Variants in HNRNPUL1 observed in about 807,000 individuals in gnomAD.
The protein encoded by HNRNPUL1 is heterogeneous nuclear ribonucleoprotein U-like protein 1.
HNRNPUL1 carries 14 observed loss-of-function variants against 108.5 expected under a neutral mutation model. The ratio of observed to expected loss-of-function variants is 0.13; its 90% confidence interval spans 0.09 to 0.20. HNRNPUL1 has a LOEUF of 0.20. HNRNPUL1 is among the 10% of genes least tolerant of loss of function. HNRNPUL1 has a pLI of 1.00. For synonymous variants in HNRNPUL1, 422 were observed against 445.2 expected (o/e 0.95, Z 0.66); for missense variants, 804 against 1,168.3 (o/e 0.69, Z 4.55).
At position 41,300,814 on chromosome 19, in the gene HNRNPUL1, G is replaced by C. The variant is rs13345076; in HGVS notation, c.1519-722G>C. Among the ~76,000 whole-genome samples, 993 of 152,354 alleles carry C rather than the reference G, an allele frequency of 6.5e-3. 9 individuals carry two copies. Among genetic ancestry groups the C allele is most frequent in the African/African-American group, 0.023 (940 of 41,592 alleles). On this transcript the variant is annotated intron_variant, in intron 10 of 14. Transcript: ENST00000392006. Reference sequence around the variant, plus strand: ...AGCAAAACTGCACTTGCGAAAAGCAGAGTCTCCTGATGTGTAGAGCTTGCT... The same window carrying C: ...AGCAAAACTGCACTTGCGAAAAGCACAGTCTCCTGATGTGTAGAGCTTGCT...
At position 41,292,016 on chromosome 19, in the gene HNRNPUL1, A is replaced by T; in HGVS notation, c.1000-229A>T. 2.0e-6 allele frequency: 1 copy of T among 508,138 alleles called. No homozygotes were observed. The highest frequency in any genetic ancestry group is 3.4e-5 in the East Asian group (1 of 29,032). The allele number at this position is 508,138 out of a possible 1,614,324, so 31.5% of individuals were successfully genotyped here. On this transcript the variant is annotated intron_variant, in intron 7 of 14. Transcript: ENST00000392006. This position sits in a 1 kb window ranked among gnomAD's most constrained non-coding sequence, Gnocchi z 4.1. ...AAACAAAAAAAAAAAACTCTTGCTT[A>T]CTTGCTTCATATCCACCAACTTTGG...
rs775830164 is a variant in HNRNPUL1, at chr19:41,306,521, G to C, written c.2527G>C (p.Gly843Arg). Residue 843 changes from glycine (G) to arginine (R), a missense_variant, in exon 15 of 15, where the codon GGG becomes CGG. Physicochemically the swap from Gly to Arg is moderately radical, Grantham distance 125. This residue lies in a region of HNRNPUL1 where 294 missense variants were observed against 388.3 expected (regional missense o/e 0.76). Coordinates refer to ENST00000392006, the MANE Select transcript of HNRNPUL1 (RefSeq NM_007040.6). ...GCCATACTACGGGAACTACGACTAC[G>C]GGAGCTACTCCGGGAACACACAGGG... ...WPPYYGNYDY[G>R]SYSGNTQGGT... is the part of the protein sequence containing the mutation. 11 of 1,606,188 alleles carry C rather than the reference G, an allele frequency of 6.8e-6. No individual in the cohort carries two copies. The highest frequency in any genetic ancestry group is 9.3e-6 in the Non-Finnish European group (11 of 1,176,678).
chr19:41,292,264 A>T lies in HNRNPUL1; in HGVS notation c.1019A>T (p.Asp340Val), dbSNP rs1334952990. ...GCFADFECGNDVELSFTKNGK... is the reference protein window; with the variant it reads ...GCFADFECGNVVELSFTKNGK... Reference sequence around the variant, plus strand: ...TCCTAGGATTTTGAATGTGGAAATGACGTGGAACTGTCTTTTACCAAGAAT... The same window carrying T: ...TCCTAGGATTTTGAATGTGGAAATGTCGTGGAACTGTCTTTTACCAAGAAT... The change falls in exon 8 of 15, where the codon GAC becomes GTC. Residue 340 changes from aspartate to valine, a missense_variant. Transcript: ENST00000392006. This position sits in a 1 kb window ranked among gnomAD's most constrained non-coding sequence, Gnocchi z 4.1. The T allele has an allele frequency of 6.2e-7, 1 of 1,614,172 alleles. No homozygotes were observed. Among genetic ancestry groups the T allele is most frequent in the East Asian group, 2.2e-5 (1 of 44,884 alleles).
At chr19:41,267,062 A>G (rs2034896860) in intron 1 of HNRNPUL1, among the ~76,000 whole-genome samples, 1 of 152,196 alleles carries the variant, frequency 6.6e-6, no homozygotes, top group Non-Finnish European at 1.5e-5. Context: ...ACTAAGACAG[A>G]CTTCGTTTCA....
At chr19:41,296,715 C>T (rs939263886) in intron 10 of HNRNPUL1, among the ~76,000 whole-genome samples, 3 of 152,194 alleles carry the variant, frequency 2.0e-5, no homozygotes, top group Non-Finnish European at 2.9e-5. Flanking sequence ...CCAGCTTTGG[C>T]GGTGACAGGT....
At chr19:41,291,053 AAG>A (rs1179686687) in intron 7 of HNRNPUL1, among the ~76,000 whole-genome samples, 13 of 152,170 alleles carry the variant, frequency 8.5e-5, no homozygotes, top group South Asian at 2.1e-4. Flanking sequence ...TCTCAACAAA[AAG>A]AGGGGGGATC....
chr19:41,307,785 G>A lies in HNRNPUL1; in HGVS notation c.*1220G>A, dbSNP rs1003156914. ...TCATTCATTAAACAACTTAACTGAG[G>A]GATTCATGTGCCTGGCCCCGATTTT... On this transcript the variant is annotated 3_prime_UTR_variant, in exon 15 of 15. Transcript: ENST00000392006. Among the ~76,000 whole-genome samples the A allele has an allele frequency of 1.2e-4, 19 of 152,076 alleles. No individual in the cohort carries two copies. Among genetic ancestry groups the A allele is most frequent in the African/African-American group, 4.6e-4 (19 of 41,388 alleles).
rs1407435377 is a variant in HNRNPUL1, at chr19:41,306,791, G to C, written c.*226G>C. On this transcript the variant is annotated 3_prime_UTR_variant, in exon 15 of 15. Transcript: ENST00000392006. The stretch of plus-strand genomic sequence containing the variant: ...AGGCAACAATGACCTTTTATTTTCT[G>C]TTTGTCCCCACCTCCCCAGCCTTCC... 2.6e-6 allele frequency: 1 copy of C among 379,894 alleles called. No individual in the cohort carries two copies. The highest frequency in any genetic ancestry group is 4.7e-6 in the Non-Finnish European group (1 of 212,170). 23.5% of individuals were successfully genotyped at this position (379,894 alleles called of 1,614,324 possible).
chr19:41,272,153 G>A lies in HNRNPUL1; in HGVS notation c.490G>A (p.Asp164Asn). Residue 164 changes from aspartate to asparagine, a missense_variant, in exon 3 of 15, where the codon GAC becomes AAC. Transcript: ENST00000392006. Reference protein sequence around the residue: ...LPPEASQLKPDRQQFQSRKRP... With the variant: ...LPPEASQLKPNRQQFQSRKRP... Reference sequence around the variant, plus strand: ...GCCTGAAGCTTCTCAACTCAAGCCAGACAGGCAGCAATTCCAGAGTCGAAA... The same window carrying A: ...GCCTGAAGCTTCTCAACTCAAGCCAAACAGGCAGCAATTCCAGAGTCGAAA... 1 of 1,614,206 alleles carries A rather than the reference G, an allele frequency of 6.2e-7. No individual in the cohort carries two copies. The highest frequency in any genetic ancestry group is 8.5e-7 in the Non-Finnish European group (1 of 1,180,040).
rs373337521 is a variant in HNRNPUL1 at position 41,297,076 on chromosome 19, A to G, written c.1518+2390A>G. On this transcript the variant is annotated intron_variant, in intron 10 of 14. Transcript: ENST00000392006. ...CAGGTATATCGGGGCTTTGACCTAC[A>G]TTCTGTGATAACCTGAGTAGCCTTT... is the stretch of plus-strand genomic sequence containing the variant. Among the ~76,000 whole-genome samples, 123 of 152,332 alleles carry G rather than the reference A, an allele frequency of 8.1e-4. 2 individuals are homozygous for G. The highest frequency in any genetic ancestry group is 3.4e-3 in the Middle Eastern group (1 of 294).
upstream of HNRNPUL1, chr19:41,263,009 C>T (rs1406836195): frequency 7.5e-6 from 1 of 133,458 alleles, no homozygotes; most frequent in Non-Finnish European, 1.5e-5. Context: ...CCCTGCACTC[C>T]AGCCAGGGTA....
intron 3 of HNRNPUL1, among the ~76,000 whole-genome samples, chr19:41,272,644 GC>G: frequency 6.6e-6 from 1 of 152,186 alleles, no homozygotes; most frequent in African/African-American, 2.4e-5. Context: ...GTCACGAAGT[GC>G]CCACTCTTGG....
chr19:41,294,636 C>T lies in HNRNPUL1; in HGVS notation c.1468C>T (p.Arg490Cys). 2 of 1,614,174 alleles carry T rather than the reference C, an allele frequency of 1.2e-6. No individual in the cohort carries two copies. The highest frequency in any genetic ancestry group is 1.7e-6 in the Non-Finnish European group (2 of 1,180,040). ...LIQQATQCLN[R>C]LIQIAARKKR... is the part of the protein sequence containing the mutation. ...CCAGCAGGCCACCCAGTGCCTCAAC[C>T]GCCTCATCCAGATTGCTGCCCGCAA... The change falls in exon 10 of 15, where the codon CGC becomes TGC. Residue 490 changes from arginine to cysteine, a missense_variant. Arg to Cys is a radical substitution (Grantham distance 180, BLOSUM62 -3). Transcript: ENST00000392006. This position sits in a 1 kb window ranked among gnomAD's most constrained non-coding sequence, Gnocchi z 4.3.
In HNRNPUL1 at chr19:41,264,938, C is replaced by T. The variant is rs1261743289; in HGVS notation, c.295+140C>T. The T allele has an allele frequency of 5.3e-6, 7 of 1,327,200 alleles. No individual in the cohort carries two copies. The East Asian group carries it at 1.3e-4, about 24-fold the overall frequency. The allele number at this position is 1,327,200 out of a possible 1,614,324, so 82.2% of individuals were successfully genotyped here. On this transcript the variant is annotated intron_variant, in intron 1 of 14. Transcript: ENST00000392006. ...CCCGCTACCCGCCGCCGAAAAGGAT[C>T]TGGGGACCAGGGCCCCAGCACGACC...
Position 41,271,092 on chromosome 19 carries a change from C to T in HNRNPUL1, c.419-990C>T, listed in dbSNP as rs148006370. Reference sequence around the variant, plus strand: ...CGGACTGACCCCCAGTTTTGTGCTGCTTTTACTGTGTTGTGGCCTCCCAGT... The same window carrying T: ...CGGACTGACCCCCAGTTTTGTGCTGTTTTTACTGTGTTGTGGCCTCCCAGT... On this transcript the variant is annotated intron_variant, in intron 2 of 14. Transcript: ENST00000392006. 2.4e-3 allele frequency among the ~76,000 whole-genome samples: 363 copies of T among 152,312 alleles called. 3 individuals carry two copies. Among genetic ancestry groups the T allele is most frequent in the South Asian group, 9.9e-3 (48 of 4,826 alleles).
In HNRNPUL1 at chr19:41,303,870, C is replaced by T. The variant is rs543664527; in HGVS notation, c.1973-102C>T. The T allele has an allele frequency of 2.1e-3, 3,019 of 1,408,682 alleles. 53 individuals carry two copies. The South Asian group carries it at 0.026, about 12-fold the overall frequency. 87.3% of individuals were successfully genotyped at this position (1,408,682 alleles called of 1,614,324 possible). On this transcript the variant is annotated intron_variant, in intron 12 of 14. Transcript: ENST00000392006. The stretch of plus-strand genomic sequence containing the variant: ...TTGTTCACCTTGAGTTCTTGCTCTG[C>T]GCCTGGCCATGCCGGCTCACAGTAG...
intron 11 of HNRNPUL1, 87 bp downstream of exon 11, chr19:41,301,791 C>T: frequency 2.5e-6 from 3 of 1,213,278 alleles, no homozygotes; most frequent in Non-Finnish European, 3.4e-6. Flanking sequence ...TCCCTGGCTC[C>T]CCAGTGATTT....
At chr19:41,297,541 G>T (rs968183966) in intron 10 of HNRNPUL1, among the ~76,000 whole-genome samples, 1 of 152,160 alleles carries the variant, frequency 6.6e-6, no homozygotes, top group African/African-American at 2.4e-5. Context: ...ATGCTTTCTG[G>T]CCTTGTCCCA....
intron 2 of HNRNPUL1, among the ~76,000 whole-genome samples, chr19:41,269,320 G>C (rs1036760530): frequency 6.6e-6 from 1 of 150,990 alleles, no homozygotes; most frequent in African/African-American, 2.4e-5. Context: ...TTAAAAATTA[G>C]CCAGGCATGG....
Sources: allele counts gnomAD v4.1 joint callset (sites outside exome capture counted in the v4.1 genomes callset), GRCh38; gene constraint gnomAD v4.1.1; regional missense constraint gnomAD v4.1.1; non-coding constraint Gnocchi (gnomAD v3.1); transcripts MANE v1.5; gene names NCBI Gene and HGNC (gene_info 2026-07-23, HGNC 2026-07-21).